CSMD1: variants seen among roughly 807,000 people sequenced by gnomAD.
CSMD1 encodes the protein CUB and sushi domain-containing protein 1.
CSMD1 carries 213 observed loss-of-function variants against 417.5 expected under a neutral mutation model. The observed-to-expected ratio is 0.51, with a 90% confidence interval of 0.46 to 0.57. The LOEUF is 0.57. Ranked by LOEUF, CSMD1 falls within the 20% of genes least tolerant of loss-of-function variation. The pLI, the probability that CSMD1 is intolerant of heterozygous loss-of-function variation, is 0.00. For synonymous variants in CSMD1, 2,862 were observed against 1,736.8 expected, an observed-to-expected ratio of 1.65 and a Z score of -16.11; for missense variants, 6,923 against 4,529.7, an observed-to-expected ratio of 1.53 and a Z score of -15.17.
chr8:3,045,261 T>C (rs1202712454), intron 50 of CSMD1, among the ~76,000 whole-genome samples: 3 of 152,226 alleles, frequency 2.0e-5, no homozygotes, highest in Non-Finnish European at 4.4e-5. Context: ...ACGATGCAAA[T>C]TGACTTTTTG....
intron 5 of CSMD1, among the ~76,000 whole-genome samples, chr8:3,974,343 T>G (rs935903649): frequency 1.3e-5 from 2 of 151,976 alleles, no homozygotes; most frequent in African/African-American, 2.4e-5. Context: ...GTTTGAGTAG[T>G]TGAAAGAAAT....
chr8:3,167,638 T>C (rs1199899124), intron 37 of CSMD1, among the ~76,000 whole-genome samples: 1 of 152,226 alleles, frequency 6.6e-6, no homozygotes, highest in African/African-American at 2.4e-5. Flanking sequence ...ATGTAGAATG[T>C]AGCAAGAGAA....
In CSMD1 at chr8:3,493,618, C is replaced by G; in HGVS notation, c.1448+5G>C. The G allele has an allele frequency of 6.2e-7, 1 of 1,603,958 alleles. No homozygotes were observed. The highest frequency in any genetic ancestry group is 8.5e-7 in the Non-Finnish European group (1 of 1,174,706). ...AGAGAAGAAGAAGCTCAAGGACATACTCACACGTACAAGACCGATCTGGTG... is the reference window on the plus strand; with the variant it reads ...AGAGAAGAAGAAGCTCAAGGACATAGTCACACGTACAAGACCGATCTGGTG... On this transcript the variant is annotated splice_donor_5th_base_variant and intron_variant, in intron 11 of 69. Coordinates refer to ENST00000635120, the MANE Select transcript of CSMD1 (RefSeq NM_033225.6).
At chr8:4,433,469 G>T (rs564935552) in intron 2 of CSMD1, among the ~76,000 whole-genome samples, 3 of 152,286 alleles carry the variant, frequency 2.0e-5, no homozygotes, top group Admixed American at 2.0e-4. Flanking sequence ...TCAACGCACT[G>T]GCTATCTGCA....
At chr8:4,524,866 T>C (rs1796436738) in intron 2 of CSMD1, among the ~76,000 whole-genome samples, 1 of 152,184 alleles carries the variant, frequency 6.6e-6, no homozygotes, top group South Asian at 2.1e-4. Flanking sequence ...ATTCATTCTT[T>C]TAATTTTACC....
chr8:3,857,161 G>A lies in CSMD1; in HGVS notation c.819-103119C>T, dbSNP rs568528645. Among the ~76,000 whole-genome samples the A allele has an allele frequency of 5.3e-5, 8 of 152,212 alleles. No individual in the cohort carries two copies. The South Asian group carries it at 1.7e-3, about 32-fold the overall frequency. ...TCTACGAAGTTAGTGTAAAATGATG[G>A]GATAATTACATGGGCTTCATGAAAA... On this transcript the variant is annotated intron_variant, in intron 5 of 69. Coordinates refer to ENST00000635120, the MANE Select transcript of CSMD1 (RefSeq NM_033225.6).
At chr8:4,288,269 T>G (rs1197540257) in intron 3 of CSMD1, among the ~76,000 whole-genome samples, 2 of 152,148 alleles carry the variant, frequency 1.3e-5, no homozygotes, top group African/African-American at 4.8e-5. Context: ...ATGCCCCCAC[T>G]GGGAACAGTA....
chr8:4,418,477 C>G (rs749641763), intron 3 of CSMD1, among the ~76,000 whole-genome samples: 2 of 152,086 alleles, frequency 1.3e-5, no homozygotes, highest in Non-Finnish European at 2.9e-5. Flanking sequence ...TTTTGGGAAT[C>G]TAACAAGACC....
chr8:3,180,919 T>C (rs1821281759), intron 37 of CSMD1, among the ~76,000 whole-genome samples, 191 bp downstream of exon 37: 1 of 152,174 alleles, frequency 6.6e-6, no homozygotes, highest in African/African-American at 2.4e-5. Context: ...GCTGGGATTA[T>C]AGGCATGAGT....
At chr8:3,629,571 A>T (rs189429881) in intron 7 of CSMD1, among the ~76,000 whole-genome samples, 1 of 152,182 alleles carries the variant, frequency 6.6e-6, no homozygotes, top group Non-Finnish European at 1.5e-5. Flanking sequence ...AGACTAAATT[A>T]TTTCAGTGTT....
chr8:4,633,996 T>TAAAA (rs34505266), intron 2 of CSMD1, among the ~76,000 whole-genome samples: 1 of 143,066 alleles, frequency 7.0e-6, no homozygotes, highest in Non-Finnish European at 1.5e-5. Context: ...GACAGGTCAT[T>TAAAA]AAAAAAAAAA....
In CSMD1 at chr8:3,121,821, A is replaced by G. The variant is rs1311565616; in HGVS notation, c.6242-3234T>C. On this transcript the variant is annotated intron_variant, in intron 41 of 69. Transcript: ENST00000635120. ...CTCATAAAAAGCAAGCAGACAAACA[A>G]ACAAAAAACAGATACAAAGGAGTAT... 7.9e-5 allele frequency among the ~76,000 whole-genome samples: 12 copies of G among 152,106 alleles called. No individual in the cohort carries two copies. The East Asian group carries it at 1.7e-3, about 22-fold the overall frequency.
intron 10 of CSMD1, among the ~76,000 whole-genome samples, chr8:3,548,462 C>T (rs117603087): frequency 6.6e-6 from 1 of 151,862 alleles, no homozygotes; most frequent in Non-Finnish European, 1.5e-5. Flanking sequence ...CCCTTTCTGC[C>T]TGAGTCCTCG....
At chr8:4,208,577 C>A (rs779524380) in intron 3 of CSMD1, among the ~76,000 whole-genome samples, 1 of 152,022 alleles carries the variant, frequency 6.6e-6, no homozygotes, top group Admixed American at 6.6e-5. Context: ...ATTCTATTTT[C>A]TTTTTCCTAC....
intron 3 of CSMD1, among the ~76,000 whole-genome samples, chr8:4,069,722 C>G (rs117425519): frequency 6.6e-6 from 1 of 152,102 alleles, no homozygotes; most frequent in Non-Finnish European, 1.5e-5. Flanking sequence ...CCACTAAACT[C>G]TAGGCACCTT....
intron 3 of CSMD1, among the ~76,000 whole-genome samples, chr8:4,235,666 G>T (rs1051123740): frequency 6.6e-6 from 1 of 152,110 alleles, no homozygotes; most frequent in Non-Finnish European, 1.5e-5. Context: ...TTTAAAATGG[G>T]TCAGCCTGTT....
chr8:3,710,347 T>C (rs1257102253), intron 6 of CSMD1, among the ~76,000 whole-genome samples: 1 of 152,154 alleles, frequency 6.6e-6, no homozygotes, highest in East Asian at 1.9e-4. Context: ...ACTGGCTTTG[T>C]TTCTCTGGAG....
At chr8:3,888,792 T>C (rs978169417) in intron 5 of CSMD1, among the ~76,000 whole-genome samples, 2 of 152,102 alleles carry the variant, frequency 1.3e-5, no homozygotes, top group Non-Finnish European at 2.9e-5. Context: ...TCCTTCCAAA[T>C]AGCCCTTCTA....
intron 1 of CSMD1, among the ~76,000 whole-genome samples, chr8:4,668,015 A>G (rs1268367648): frequency 1.3e-5 from 2 of 152,208 alleles, no homozygotes; most frequent in African/African-American, 4.8e-5. Flanking sequence ...TTTAAGCTAT[A>G]GCGATTCTAC....
Sources: gnomAD v4.1 joint callset for allele counts (sites outside exome capture counted in the v4.1 genomes callset) on GRCh38, gnomAD v4.1.1 for gene constraint, MANE v1.5 for transcripts, NCBI Gene and HGNC (gene_info 2026-07-23, HGNC 2026-07-21) for gene names.